The following TRPV2 variants were observed in gnomAD, a reference collection of about 807,000 sequenced individuals.
TRPV2 encodes the protein transient receptor potential cation channel subfamily V member 2.
Under a neutral mutation model 91.0 loss-of-function variants are expected in TRPV2, and 58 were observed. That is an observed-to-expected ratio of 0.64 (90% CI 0.52 to 0.79). TRPV2 has a LOEUF of 0.79. TRPV2 is among the 30% of genes least tolerant of loss of function. The pLI is 0.00. For synonymous variants in TRPV2, 417 were observed against 414.8 expected (o/e 1.01, Z -0.06); for missense variants, 807 against 969.6 (o/e 0.83, Z 2.23).
intron 13 of TRPV2, among the ~76,000 whole-genome samples, chr17:16,433,949 C>G (rs1188362486): frequency 6.6e-6 from 1 of 152,228 alleles, no homozygotes; most frequent in Non-Finnish European, 1.5e-5. Flanking sequence ...TCTCAGACTC[C>G]TCCTTGTAGC....
At position 16,427,492 on chromosome 17, in the gene TRPV2, T is replaced by G; in HGVS notation, c.1295T>G (p.Leu432Arg). The G allele has an allele frequency of 6.2e-7, 1 of 1,613,978 alleles. No individual in the cohort carries two copies. The highest frequency in any genetic ancestry group is 8.5e-7 in the Non-Finnish European group (1 of 1,179,866). ...HLKAEVGNSM[L>R]LTGHILILLG... ...AAAGCGGAGGTTGGAAACTCCATGC[T>G]GCTGACGGGCCACATCCTTATCCTG... Residue 432 changes from leucine to arginine, a missense_variant, in exon 8 of 15, where the codon CTG becomes CGG. Transcript: ENST00000338560.
At chr17:16,423,818 C>G in intron 5 of TRPV2, 51 bp downstream of exon 5, 1 of 1,484,246 alleles carries the variant, frequency 6.7e-7, no homozygotes, top group Non-Finnish European at 8.9e-7. Context: ...CAGTAGGTCT[C>G]ATCCCAAAAT....
At chr17:16,433,822 C>T in intron 13 of TRPV2, 124 bp downstream of exon 13, 1 of 1,389,176 alleles carries the variant, frequency 7.2e-7, no homozygotes, top group Admixed American at 2.3e-5. Context: ...CCAAAGAGCA[C>T]CAGGGACTGA....
Position 16,433,589 on chromosome 17 carries a change from C to T in TRPV2, c.2005C>T (p.Leu669=), listed in dbSNP as rs747119979. 5 of 1,614,118 alleles carry T rather than the reference C, an allele frequency of 3.1e-6. No homozygotes were observed. In the Admixed American group the frequency reaches 8.3e-5, roughly 27 times the overall value. The change falls in exon 13 of 15, where the codon CTG becomes TTG. Residue 669 remains leucine, a synonymous_variant. Transcript: ENST00000338560. ...IWKLQKAISV[L]EMENGYWWCR... is the part of the protein sequence containing the mutation. Reference sequence around the variant, plus strand: ...TTGTCCCCAGAAAGCCATCTCTGTCCTGGAGATGGAGAATGGCTATTGGTG... The same window carrying T: ...TTGTCCCCAGAAAGCCATCTCTGTCTTGGAGATGGAGAATGGCTATTGGTG...
Position 16,432,274 on chromosome 17 carries a change from G to T in TRPV2, c.1963G>T (p.Asp655Tyr). ...MSETVNSVAT[D>Y]SWSIWKLQKA... The stretch of plus-strand genomic sequence containing the variant: ...CGAGACCGTCAACAGTGTCGCCACT[G>T]ACAGCTGGAGCATCTGGAAGCTGCA... Residue 655 changes from aspartate (D) to tyrosine (Y), a missense_variant, in exon 12 of 15, where the codon GAC becomes TAC. Coordinates refer to ENST00000338560, the MANE Select transcript of TRPV2 (RefSeq NM_016113.5). 1 of 1,608,300 alleles carries T rather than the reference G, an allele frequency of 6.2e-7. No individual in the cohort carries two copies. Among genetic ancestry groups the T allele is most frequent in the South Asian group, 1.1e-5 (1 of 90,950 alleles).
Position 16,422,894 on chromosome 17 carries a change from G to C in TRPV2, c.625+5G>C. The C allele has an allele frequency of 6.4e-7, 1 of 1,557,060 alleles. No individual in the cohort carries two copies. Among genetic ancestry groups the C allele is most frequent in the Non-Finnish European group, 8.7e-7 (1 of 1,149,368 alleles). On this transcript the variant is annotated splice_donor_5th_base_variant and intron_variant, in intron 4 of 14. Transcript: ENST00000338560. Reference sequence around the variant, plus strand: ...AAGGGACTTGCTTTTATTTCGGTGAGTGAGCCTTTCTTGGATAAATCGAGG... The same window carrying C: ...AAGGGACTTGCTTTTATTTCGGTGACTGAGCCTTTCTTGGATAAATCGAGG...
chr17:16,426,496 C>A lies in TRPV2; in HGVS notation c.1096-226C>A, dbSNP rs1194274672. 6.6e-6 allele frequency among the ~76,000 whole-genome samples: 1 copy of A among 152,210 alleles called. No individual in the cohort carries two copies. Among genetic ancestry groups the A allele is most frequent in the Non-Finnish European group, 1.5e-5 (1 of 68,028 alleles). ...ATCATGCCAAGGGCCTCGTGGCAACCATCCGGGTCCTCTCTGTTAACCAGC... is the reference window on the plus strand; with the variant it reads ...ATCATGCCAAGGGCCTCGTGGCAACAATCCGGGTCCTCTCTGTTAACCAGC... On this transcript the variant is annotated intron_variant, in intron 6 of 14. Coordinates refer to ENST00000338560, the MANE Select transcript of TRPV2 (RefSeq NM_016113.5). The surrounding 1 kb of genome is among the most constrained non-coding windows in gnomAD (Gnocchi z 6.0).
In TRPV2 at chr17:16,422,856, T is replaced by C; in HGVS notation, c.592T>C (p.Phe198Leu). Residue 198 changes from phenylalanine (F) to leucine (L), a missense_variant, in exon 4 of 15, where the codon TTC becomes CTC. Physicochemically the swap from Phe to Leu is conservative, Grantham distance 22 (BLOSUM62 0). Transcript: ENST00000338560. ...GCATGCCCGGGCCTGCGGCCGCTTC[T>C]TCCAGAAGGGCCAAGGGACTTGCTT... Reference protein sequence around the residue: ...NVHARACGRFFQKGQGTCFYF... With the variant: ...NVHARACGRFLQKGQGTCFYF... 2 of 1,570,040 alleles carry C rather than the reference T, an allele frequency of 1.3e-6. No homozygotes were observed. The highest frequency in any genetic ancestry group is 2.4e-5 in the East Asian group (1 of 42,518).
chr17:16,420,525 CT>C (rs147436979), intron 3 of TRPV2, among the ~76,000 whole-genome samples: 1 of 152,144 alleles, frequency 6.6e-6, no homozygotes, highest in African/African-American at 2.4e-5. Flanking sequence ...CCAAAGCAAT[CT>C]TTTTTTATCT....
At chr17:16,430,831 C>T (rs2093406414) in intron 10 of TRPV2, among the ~76,000 whole-genome samples, 1 of 151,304 alleles carries the variant, frequency 6.6e-6, no homozygotes, top group Admixed American at 6.6e-5. Flanking sequence ...TGTGTAGATA[C>T]ACCACATTTT....
In TRPV2 at chr17:16,420,068, G is replaced by T. The variant is rs755283167; in HGVS notation, c.201-47G>T. On this transcript the variant is annotated intron_variant, in intron 2 of 14. Transcript: ENST00000338560. ...CCTGGGATGGAGGGCTTTTGGGGGG[G>T]CCTGTGGTTCTTCTCCAGCATGAGT... The T allele has an allele frequency of 1.9e-6, 3 of 1,591,908 alleles. No individual in the cohort carries two copies. The East Asian group carries it at 6.7e-5, about 36-fold the overall frequency.
At chr17:16,432,328 ACC>A in intron 12 of TRPV2, 28 bp downstream of exon 12, 3 of 1,569,432 alleles carry the variant, frequency 1.9e-6, no homozygotes, top group Admixed American at 1.7e-5. Context: ...CCCTGCCCCC[ACC>A]CCACCCCACA....
intron 13 of TRPV2, among the ~76,000 whole-genome samples, 158 bp downstream of exon 13, chr17:16,433,856 T>C (rs1309696640): frequency 3.9e-5 from 6 of 152,098 alleles, no homozygotes; most frequent in Non-Finnish European, 7.4e-5. Context: ...AGGTCAGGGG[T>C]CTGGATCTCA....
intron 3 of TRPV2, among the ~76,000 whole-genome samples, chr17:16,421,273 G>A (rs1021913202): frequency 3.3e-5 from 5 of 151,794 alleles, no homozygotes; most frequent in East Asian, 3.9e-4. Context: ...ACAGTGGTGC[G>A]ATCTCAGTTC....
intron 13 of TRPV2, among the ~76,000 whole-genome samples, chr17:16,434,251 G>A (rs8075005): frequency 0.36 from 54,744 of 151,892 alleles, 10,165 homozygotes; most frequent in Non-Finnish European, 0.38. Context: ...GGCAAATCAC[G>A]AGGTCAGGAG....
intron 8 of TRPV2, 26 bp from the exon 9 acceptor site, chr17:16,428,291 G>T: frequency 6.2e-7 from 1 of 1,613,362 alleles, no homozygotes. Context: ...AGGTTTCACA[G>T]CCCTCTGTCC....
chr17:16,420,364 C>A, intron 3 of TRPV2, 116 bp downstream of exon 3: 2 of 1,305,096 alleles, frequency 1.5e-6, no homozygotes, highest in East Asian at 2.5e-5. Context: ...AGCAGCCCTC[C>A]CACTGGAAGG....
chr17:16,418,535 C>T lies in TRPV2; in HGVS notation c.200+667C>T, dbSNP rs546469600. ...CTCTGCCACAGAAGCCCCTTCTTCC[C>T]TTCTCATGCTTGAGGTACAGCCACC... On this transcript the variant is annotated intron_variant, in intron 2 of 14. Coordinates refer to ENST00000338560, the MANE Select transcript of TRPV2 (RefSeq NM_016113.5). 5.9e-5 allele frequency among the ~76,000 whole-genome samples: 9 copies of T among 152,232 alleles called. No individual in the cohort carries two copies. In the East Asian group the frequency reaches 1.4e-3, roughly 23 times the overall value.
At chr17:16,427,624 C>A in intron 8 of TRPV2, 77 bp downstream of exon 8, 1 of 1,364,672 alleles carries the variant, frequency 7.3e-7, no homozygotes, top group Non-Finnish European at 1.0e-6. Flanking sequence ...AAGTTAGCTG[C>A]ATCCCCTCAC....
Sources: allele counts gnomAD v4.1 joint callset (sites outside exome capture counted in the v4.1 genomes callset), GRCh38; gene constraint gnomAD v4.1.1; non-coding constraint Gnocchi (gnomAD v3.1); transcripts MANE v1.5; gene names NCBI Gene and HGNC (gene_info 2026-07-23, HGNC 2026-07-21).